The following MYT1L variants were observed in gnomAD, a reference collection of about 807,000 sequenced individuals.
MYT1L encodes myelin transcription factor 1 like, also known as myelin transcription factor 1-like protein.
MYT1L carries 12 observed loss-of-function variants against 126.7 expected under a neutral mutation model. The ratio of observed to expected loss-of-function variants is 0.09; its 90% confidence interval spans 0.06 to 0.15. MYT1L has a LOEUF of 0.15. Ranked by LOEUF, MYT1L falls within the 10% of genes least tolerant of loss-of-function variation. The pLI is 1.00. For missense variants in MYT1L, 979 were observed against 1,585.2 expected (o/e 0.62, Z 6.49); for synonymous variants, 541 against 604.2 (o/e 0.90, Z 1.53).
chr2:2,325,534 T>C (rs976918573), intron 1 of MYT1L: 2 of 152,232 alleles, frequency 1.3e-5, no homozygotes, highest in Non-Finnish European at 2.9e-5. Context: ...TCATTAGCAT[T>C]TTTTTCTGGC....
chr2:2,088,324 A>G lies in MYT1L; in HGVS notation c.-303-34201T>C, dbSNP rs76533713. On this transcript the variant is annotated intron_variant, in intron 3 of 24. Coordinates refer to ENST00000647738, the MANE Select transcript of MYT1L (RefSeq NM_001303052.2). ...GGGAAACCATGAGCCCTTCTCCTCC[A>G]TGGAAATGTCACACACAGAACCAGA... Among the ~76,000 whole-genome samples, 1,063 of 152,336 alleles carry G rather than the reference A, an allele frequency of 7.0e-3. 11 individuals carry two copies. The highest frequency in any genetic ancestry group is 0.024 in the African/African-American group (985 of 41,584).
Position 1,914,252 on chromosome 2 carries a change from TA to T in MYT1L, c.1619-2143del, listed in dbSNP as rs1442317773. On this transcript the variant is annotated intron_variant, in intron 11 of 24. Coordinates refer to ENST00000647738, the MANE Select transcript of MYT1L (RefSeq NM_001303052.2). ...CTGGGCGACAGAGCGAGACTCTGTCTAAAAAAAAAACAAAAACGAAAACAAA... is the reference window on the plus strand; with the variant it reads ...CTGGGCGACAGAGCGAGACTCTGTCTAAAAAAAAACAAAAACGAAAACAAA... 4.1e-5 allele frequency among the ~76,000 whole-genome samples: 6 copies of T among 146,474 alleles called. No individual in the cohort carries two copies. The South Asian group carries it at 6.6e-4, about 16-fold the overall frequency.
rs1247551759 is a variant in MYT1L at position 1,889,379 on chromosome 2, C to A, written c.2382G>T (p.Glu794Asp). ...CTGCCTGCTGCTGGGGGGACATGGG[C>A]TCCAGAGGGGTCAGGATGGGGCAGC... ...DSCCPILTPL[E>D]PMSPQQQAVM... The change falls in exon 16 of 25, where the codon GAG becomes GAT. Residue 794 changes from glutamate to aspartate, a missense_variant. By Grantham distance (45) the Glu-to-Asp change is conservative (BLOSUM62 2). This residue lies in a region of MYT1L where 141 missense variants were observed against 170.6 expected (regional missense o/e 0.83). Transcript: ENST00000647738. The surrounding 1 kb of genome is among the most constrained non-coding windows in gnomAD (Gnocchi z 4.1). 3 of 1,613,852 alleles carry A rather than the reference C, an allele frequency of 1.9e-6. No homozygotes were observed. The highest frequency in any genetic ancestry group is 1.3e-5 in the African/African-American group (1 of 74,922).
At chr2:2,260,180 C>A (rs7600426) in intron 2 of MYT1L, among the ~76,000 whole-genome samples, 1 of 151,946 alleles carries the variant, frequency 6.6e-6, no homozygotes, top group African/African-American at 2.4e-5. Flanking sequence ...TTACACCTGG[C>A]TCCCCGCTGA....
At chr2:1,926,118 G>C in intron 9 of MYT1L, among the ~76,000 whole-genome samples, 1 of 152,192 alleles carries the variant, frequency 6.6e-6, no homozygotes, top group East Asian at 1.9e-4. Context: ...GCCTCTCCCA[G>C]CGGCAGCAAA....
At chr2:1,937,315 C>A (rs543288330) in intron 9 of MYT1L, among the ~76,000 whole-genome samples, 1 of 151,734 alleles carries the variant, frequency 6.6e-6, no homozygotes, top group Non-Finnish European at 1.5e-5. Context: ...GCCATCAGAT[C>A]GCACATCAAG....
intron 3 of MYT1L, among the ~76,000 whole-genome samples, chr2:2,095,735 G>A (rs915568801): frequency 6.6e-6 from 1 of 152,170 alleles, no homozygotes. Flanking sequence ...AAATACATGA[G>A]CATCAGGTCT....
At chr2:1,939,861 T>C (rs2056434058) in intron 9 of MYT1L, among the ~76,000 whole-genome samples, 2 of 152,360 alleles carry the variant, frequency 1.3e-5, no homozygotes, top group South Asian at 4.1e-4. Context: ...GCTCCTCCAA[T>C]GGAGACGTCC....
intron 2 of MYT1L, among the ~76,000 whole-genome samples, chr2:2,234,894 G>A (rs1038192890): frequency 6.6e-6 from 1 of 152,136 alleles, no homozygotes; most frequent in Non-Finnish European, 1.5e-5. Flanking sequence ...GCACTCCCCC[G>A]ATGCTCACGC....
intron 1 of MYT1L, among the ~76,000 whole-genome samples, chr2:2,292,334 A>G (rs976028025): frequency 6.6e-6 from 1 of 152,190 alleles, no homozygotes; most frequent in Non-Finnish European, 1.5e-5. Context: ...TCTATTCCCA[A>G]ACGTTACATG....
intron 2 of MYT1L, among the ~76,000 whole-genome samples, chr2:2,181,439 G>A (rs1188879526): frequency 6.6e-6 from 1 of 152,088 alleles, no homozygotes; most frequent in Non-Finnish European, 1.5e-5. Flanking sequence ...AGAGTCCTTG[G>A]GAAGAAAATC....
Position 2,139,700 on chromosome 2 carries a change from G to A in MYT1L, c.-304+33172C>T, listed in dbSNP as rs368165530. On this transcript the variant is annotated intron_variant, in intron 3 of 24. Coordinates refer to ENST00000647738, the MANE Select transcript of MYT1L (RefSeq NM_001303052.2). ...AGTGCATGTCCAGGCACCGGGAGAC[G>A]TCCGCACTGCACAAGAGGCAGTTCT... 2.5e-4 allele frequency among the ~76,000 whole-genome samples: 38 copies of A among 152,040 alleles called. No homozygotes were observed. In the East Asian group the frequency reaches 4.8e-3, roughly 19 times the overall value.
chr2:2,001,491 T>C (rs1429057321), intron 4 of MYT1L, among the ~76,000 whole-genome samples: 6 of 152,210 alleles, frequency 3.9e-5, no homozygotes, highest in Admixed American at 2.6e-4. Flanking sequence ...TATGTAAACA[T>C]TTGATCAATA....
intron 3 of MYT1L, among the ~76,000 whole-genome samples, chr2:2,077,912 A>G (rs1004517060): frequency 1.3e-5 from 2 of 152,338 alleles, no homozygotes; most frequent in Admixed American, 1.3e-4. Flanking sequence ...AAAAGATGGT[A>G]TAAGCTTATC....
chr2:2,222,149 T>C (rs924828232), intron 2 of MYT1L, among the ~76,000 whole-genome samples: 1 of 152,184 alleles, frequency 6.6e-6, no homozygotes, highest in African/African-American at 2.4e-5. Context: ...AAATATAATA[T>C]ATATTTTAAA....
chr2:2,165,972 G>GTAAAAAAATAAAATATTTTAT (rs1402327719), intron 3 of MYT1L, among the ~76,000 whole-genome samples: 2 of 108,184 alleles, frequency 1.8e-5, no homozygotes, highest in Admixed American at 8.0e-5. Flanking sequence ...ACTTTGTAAA[G>GTAAAAAAATAAAATATTTTAT]TTTTAAAGTA....
At position 1,848,817 on chromosome 2, in the gene MYT1L, G is replaced by C. The variant is rs537646414; in HGVS notation, c.2774+2824C>G. Among the ~76,000 whole-genome samples the C allele has an allele frequency of 6.6e-6, 1 of 152,112 alleles. No individual in the cohort carries two copies. Among genetic ancestry groups the C allele is most frequent in the African/African-American group, 2.4e-5 (1 of 41,440 alleles). ...ACTGTCACGTGGAGGCAACACTTCTGCTGAGCAACGTGCCCAGCCCCGCTT... is the reference window on the plus strand; with the variant it reads ...ACTGTCACGTGGAGGCAACACTTCTCCTGAGCAACGTGCCCAGCCCCGCTT... On this transcript the variant is annotated intron_variant, in intron 19 of 24. Coordinates refer to ENST00000647738, the MANE Select transcript of MYT1L (RefSeq NM_001303052.2). This position sits in a 1 kb window ranked among gnomAD's most constrained non-coding sequence, Gnocchi z 4.8.
intron 5 of MYT1L, among the ~76,000 whole-genome samples, chr2:1,983,663 G>A (rs978914165): frequency 6.6e-6 from 1 of 152,132 alleles, no homozygotes; most frequent in Non-Finnish European, 1.5e-5. Flanking sequence ...TCCACCCAGG[G>A]CCTGCCCACC....
intron 3 of MYT1L, among the ~76,000 whole-genome samples, chr2:2,086,354 A>G (rs2076350992): frequency 6.6e-6 from 1 of 152,356 alleles, no homozygotes; most frequent in Admixed American, 6.5e-5. Flanking sequence ...GTATAATTAC[A>G]TTACTTTAAA....
Sources: allele counts gnomAD v4.1 joint callset (sites outside exome capture counted in the v4.1 genomes callset), GRCh38; gene constraint gnomAD v4.1.1; regional missense constraint gnomAD v4.1.1; non-coding constraint Gnocchi (gnomAD v3.1); transcripts MANE v1.5; gene names NCBI Gene and HGNC (gene_info 2026-07-23, HGNC 2026-07-21).